Variants in CTSS observed in about 807,000 individuals in gnomAD.
The protein encoded by CTSS is cathepsin S.
In CTSS, 15 loss-of-function variants were observed where a neutral mutation model predicts 39.9. That is an observed-to-expected ratio of 0.38 (90% CI 0.25 to 0.58). CTSS has a LOEUF of 0.58. CTSS is among the 20% of genes least tolerant of loss of function. CTSS has a pLI of 0.70. For missense variants in CTSS, 250 were observed against 398.2 expected, an observed-to-expected ratio of 0.63 and a Z score of 3.17; for synonymous variants, 126 against 138.2, an observed-to-expected ratio of 0.91 and a Z score of 0.62.
intron 2 of CTSS, among the ~76,000 whole-genome samples, chr1:150,758,839 C>G (rs116319249): frequency 2.7e-5 from 4 of 150,236 alleles, no homozygotes; most frequent in Non-Finnish European, 4.4e-5. Context: ...TGTAAGCCAC[C>G]GCGCCCAGCA....
chr1:150,737,308 G>A (rs748561967), intron 7 of CTSS, among the ~76,000 whole-genome samples: 6 of 152,044 alleles, frequency 3.9e-5, no homozygotes, highest in South Asian at 2.1e-4. Context: ...CTCCATGTTG[G>A]CCAGGCTGGT....
chr1:150,758,089 AC>A, intron 2 of CTSS, 109 bp from the exon 3 acceptor site: 1 of 1,041,388 alleles, frequency 9.6e-7, no homozygotes, highest in East Asian at 2.6e-5. Flanking sequence ...TCACTCTGTC[AC>A]CCAAGCTGGA....
intron 5 of CTSS, 23 bp downstream of exon 5, chr1:150,751,758 C>T (rs1016560411): frequency 2.8e-5 from 45 of 1,609,458 alleles, no homozygotes; most frequent in Non-Finnish European, 3.7e-5. Flanking sequence ...TGGGGCAGCA[C>T]AAAAAGTTTG....
rs138899488 is a variant in CTSS, at chr1:150,753,555, A to G, written c.399+1446T>C. ...AAGCAATTGGCTTATTGGAGAGTCC[A>G]GTGCAGTCAATGCATAGCGTGAGCA... On this transcript the variant is annotated intron_variant, in intron 4 of 7. Transcript: ENST00000368985. Among the ~76,000 whole-genome samples the G allele has an allele frequency of 3.7e-4, 57 of 152,386 alleles. 1 individual carries two copies. The East Asian group carries it at 0.011, about 29-fold the overall frequency.
rs143084339 is a variant in CTSS, at chr1:150,751,382, G to A, written c.627+399C>T. Among the ~76,000 whole-genome samples the A allele has an allele frequency of 2.1e-3, 313 of 152,124 alleles. 1 individual carries two copies. The highest frequency in any genetic ancestry group is 5.0e-3 in the South Asian group (24 of 4,804). On this transcript the variant is annotated intron_variant, in intron 5 of 7. Coordinates refer to ENST00000368985, the MANE Select transcript of CTSS (RefSeq NM_004079.5). ...CCTGCTTCAGCCTCCCGAGTAGCTG[G>A]GACCACAGGCATGCACCACCATGCC...
At chr1:150,739,421 AAAC>A (rs1438274241) in intron 7 of CTSS, among the ~76,000 whole-genome samples, 3 of 151,604 alleles carry the variant, frequency 2.0e-5, no homozygotes, top group Admixed American at 6.6e-5. Context: ...AATGAAAGCA[AAAC>A]AACAGGCCAG....
Position 150,733,106 on chromosome 1 carries a change from C to T in CTSS, c.936G>A (p.Met312Ile). Residue 312 changes from methionine to isoleucine, a missense_variant, in exon 8 of 8, where the codon ATG becomes ATA. Met to Ile is a conservative substitution (Grantham distance 10). Transcript: ENST00000368985. ...CACAATGATTTCCTTTATTTCTTGC[C>T]ATCCGAATATATCCTTCTTCACCAA... ...HNFGEEGYIR[M>I]ARNKGNHCGI... 1 of 1,613,692 alleles carries T rather than the reference C, an allele frequency of 6.2e-7. No individual in the cohort carries two copies. The highest frequency in any genetic ancestry group is 8.5e-7 in the Non-Finnish European group (1 of 1,179,812).
At chr1:150,739,335 G>A (rs924150172) in intron 7 of CTSS, among the ~76,000 whole-genome samples, 1 of 152,202 alleles carries the variant, frequency 6.6e-6, no homozygotes, top group Non-Finnish European at 1.5e-5. Context: ...TAGACTTCTT[G>A]AACCAGTTAG....
rs368855623 is a variant in CTSS, at chr1:150,736,161, G to A, written c.897-3016C>T. 4.1e-4 allele frequency among the ~76,000 whole-genome samples: 63 copies of A among 152,056 alleles called. No individual in the cohort carries two copies. In the South Asian group the frequency reaches 0.011, roughly 27 times the overall value. On this transcript the variant is annotated intron_variant, in intron 7 of 7. Coordinates refer to ENST00000368985, the MANE Select transcript of CTSS (RefSeq NM_004079.5). ...TAAGCAAAAGCAATAACAAGAATCC[G>A]GCCAGGCTATTATTAATATTAATAG...
intron 7 of CTSS, among the ~76,000 whole-genome samples, chr1:150,746,405 T>C (rs138503012): frequency 7.9e-5 from 12 of 152,246 alleles, no homozygotes; most frequent in Non-Finnish European, 1.6e-4. Context: ...GTTCAATACA[T>C]ATATTGAGGG....
At chr1:150,756,708 CTTT>C (rs72242218) in intron 3 of CTSS, among the ~76,000 whole-genome samples, 3 of 131,178 alleles carry the variant, frequency 2.3e-5, no homozygotes, top group African/African-American at 8.4e-5. Context: ...TTCTTTCTTT[CTTT>C]TTTTTTTTTT....
At chr1:150,764,449 G>T (rs1254711322) in intron 2 of CTSS, among the ~76,000 whole-genome samples, 189 bp downstream of exon 2, 1 of 152,046 alleles carries the variant, frequency 6.6e-6, no homozygotes, top group South Asian at 2.1e-4. Context: ...TGTTGGCTAG[G>T]CTGGTCTCGA....
At chr1:150,752,371 G>A (rs1653025558) in intron 4 of CTSS, among the ~76,000 whole-genome samples, 1 of 152,166 alleles carries the variant, frequency 6.6e-6, no homozygotes, top group Non-Finnish European at 1.5e-5. Context: ...GAGCTAGGAT[G>A]ATTTCCTTGA....
intron 2 of CTSS, among the ~76,000 whole-genome samples, chr1:150,764,229 G>A (rs1653317701): frequency 6.6e-6 from 1 of 151,986 alleles, no homozygotes; most frequent in South Asian, 2.1e-4. Context: ...CAAGAAACAA[G>A]TACATAATAT....
chr1:150,756,943 C>T (rs1011749322), intron 3 of CTSS, among the ~76,000 whole-genome samples: 1 of 151,994 alleles, frequency 6.6e-6, no homozygotes, highest in Non-Finnish European at 1.5e-5. Flanking sequence ...CTCAAACTCC[C>T]GACCTCAGGT....
intron 3 of CTSS, 81 bp downstream of exon 3, chr1:150,757,777 C>T: frequency 1.4e-6 from 2 of 1,449,404 alleles, no homozygotes; most frequent in Non-Finnish European, 1.9e-6. Flanking sequence ...TTGTTGTTTA[C>T]CTTCAAATTG....
Position 150,752,024 on chromosome 1 carries a change from G to A in CTSS, c.400-16C>T, listed in dbSNP as rs1233461257. Reference sequence around the variant, plus strand: ...CACAAGAACCCTAAAACAGATACAAGGTCACAAACGCAAATCACAGAAAAT... The same window carrying A: ...CACAAGAACCCTAAAACAGATACAAAGTCACAAACGCAAATCACAGAAAAT... On this transcript the variant is annotated splice_polypyrimidine_tract_variant and intron_variant, in intron 4 of 7. Transcript: ENST00000368985. 6 of 1,611,324 alleles carry A rather than the reference G, an allele frequency of 3.7e-6. No individual in the cohort carries two copies. Among genetic ancestry groups the A allele is most frequent in the Middle Eastern group, 1.6e-4 (1 of 6,076 alleles).
intron 3 of CTSS, among the ~76,000 whole-genome samples, chr1:150,755,500 G>A (rs1264521162): frequency 2.4e-4 from 36 of 152,230 alleles, no homozygotes; most frequent in Non-Finnish European, 1.2e-4. Flanking sequence ...AGCACTTTGG[G>A]AGGCCGAGCC....
intron 1 of CTSS, 106 bp from the exon 2 acceptor site, chr1:150,764,870 G>T: frequency 7.5e-7 from 1 of 1,332,908 alleles, no homozygotes; most frequent in Non-Finnish European, 1.0e-6. Flanking sequence ...CAAAGGGACA[G>T]ACTATTATAA....
Sources: allele counts gnomAD v4.1 joint callset (sites outside exome capture counted in the v4.1 genomes callset), GRCh38; gene constraint gnomAD v4.1.1; transcripts MANE v1.5; gene names NCBI Gene and HGNC (gene_info 2026-07-23, HGNC 2026-07-21).